Variants in NT5C3B observed in about 807,000 individuals in gnomAD.
NT5C3B encodes the protein 5'-nucleotidase, cytosolic IIIB.
In NT5C3B, 28 loss-of-function variants were observed where a neutral mutation model predicts 32.5. The observed-to-expected ratio is 0.86, with a 90% CI of 0.64 to 1.18. NT5C3B has a LOEUF of 1.18. Among genes scored for constraint, NT5C3B ranks in the 50% most tolerant of loss-of-function variants. The pLI, the probability that NT5C3B is intolerant of heterozygous loss-of-function variation, is 0.00. For missense variants in NT5C3B, 317 were observed against 322.0 expected, an observed-to-expected ratio of 0.98 and a Z score of 0.12; for synonymous variants, 138 against 118.0, an observed-to-expected ratio of 1.17 and a Z score of -1.10.
intron 7 of NT5C3B, 151 bp downstream of exon 7, chr17:41,828,639 A>G: frequency 1.4e-6 from 1 of 724,678 alleles, no homozygotes; most frequent in Non-Finnish European, 2.3e-6. Context: ...GCCTGGCCAA[A>G]AAGTAACCCA....
chr17:41,828,922 G>A lies in NT5C3B; in HGVS notation c.435C>T (p.Leu145=), dbSNP rs1396724412. 3 of 1,613,758 alleles carry A rather than the reference G, an allele frequency of 1.9e-6. No homozygotes were observed. The highest frequency in any genetic ancestry group is 2.7e-5 in the African/African-American group (2 of 74,930). Residue 145 remains leucine, a synonymous_variant, in exon 7 of 9, where the codon CTC becomes CTT. Coordinates refer to ENST00000435506, the MANE Select transcript of NT5C3B (RefSeq NM_052935.5). ...REGYKTFFNT[L]YHNNIPLFIF... ...TGAAAAGGGGAATGTTGTTATGGTA[G>A]AGTGTGTTGAAGAAGGTCTTATATC... is the stretch of plus-strand genomic sequence containing the variant.
chr17:41,835,995 C>A, intron 1 of NT5C3B, 38 bp from the exon 2 acceptor site: 1 of 1,517,570 alleles, frequency 6.6e-7, no homozygotes, highest in East Asian at 2.5e-5. Context: ...ACCCCTGCGC[C>A]ACGCTGGGCC....
rs908655551 is a variant in NT5C3B, at chr17:41,825,406, G to A, written c.*117C>T. ...CAGGGAAAGGAGGACGGAGGGGCGC[G>A]GAAGGACCCAGCCACTGCTGGCCAC... On this transcript the variant is annotated 3_prime_UTR_variant, in exon 9 of 9. Transcript: ENST00000435506. 2.0e-5 allele frequency: 14 copies of A among 694,340 alleles called. No individual in the cohort carries two copies. The highest frequency in any genetic ancestry group is 2.8e-5 in the Admixed American group (1 of 36,218). The allele number at this position is 694,340 out of a possible 1,614,324, so 43.0% of individuals were successfully genotyped here.
Position 41,835,891 on chromosome 17 carries a change from C to T in NT5C3B, c.79G>A (p.Ala27Thr). 1 of 1,608,896 alleles carries T rather than the reference C, an allele frequency of 6.2e-7. No homozygotes were observed. The highest frequency in any genetic ancestry group is 8.5e-7 in the Non-Finnish European group (1 of 1,178,534). The change falls in exon 2 of 9, where the codon GCC becomes ACC. Residue 27 changes from alanine (A) to threonine (T), a missense_variant. Physicochemically the swap from Ala to Thr is moderately conservative, Grantham distance 58 (BLOSUM62 0). Transcript: ENST00000435506. The stretch of plus-strand genomic sequence containing the variant: ...CGGTCTCCGCCGCCCTTGCGGAGGG[C>T]GCCCACGATCTCCTGCACCCGCCCA... Reference protein sequence around the residue: ...QPGRVQEIVGALRKGGGDRLQ... With the variant: ...QPGRVQEIVGTLRKGGGDRLQ...
rs782243169 is a variant in NT5C3B, at chr17:41,825,511, G to C, written c.*12C>G. 2.3e-6 allele frequency: 2 copies of C among 870,982 alleles called. No homozygotes were observed. The highest frequency in any genetic ancestry group is 2.0e-6 in the Non-Finnish European group (1 of 501,262). 54.0% of individuals were successfully genotyped at this position (870,982 alleles called of 1,614,324 possible). The stretch of plus-strand genomic sequence containing the variant: ...TCACCACGGCCTGCAGGCCGGGCTG[G>C]AGCCTGCGCCTTCAGGGGCCTTGCA... On this transcript the variant is annotated 3_prime_UTR_variant, in exon 9 of 9. Transcript: ENST00000435506.
At chr17:41,826,573 GA>G (rs1269009143) in intron 8 of NT5C3B, among the ~76,000 whole-genome samples, 2 of 152,000 alleles carry the variant, frequency 1.3e-5, no homozygotes, top group Admixed American at 1.3e-4. Flanking sequence ...ACCCAGACTG[GA>G]GTGCAGTGGC....
intron 5 of NT5C3B, among the ~76,000 whole-genome samples, chr17:41,831,544 G>A (rs1407115829): frequency 6.6e-6 from 1 of 152,120 alleles, no homozygotes; most frequent in Non-Finnish European, 1.5e-5. Context: ...CTAATGGGAG[G>A]TGTCATGGCG....
intron 4 of NT5C3B, among the ~76,000 whole-genome samples, chr17:41,834,537 A>G (rs1183899585): frequency 6.6e-6 from 1 of 152,138 alleles, no homozygotes; most frequent in African/African-American, 2.4e-5. Context: ...GCTTGAGCTC[A>G]GGAGTTCAAG....
intron 7 of NT5C3B, 58 bp downstream of exon 7, chr17:41,828,732 C>A (rs1555618576): frequency 1.3e-6 from 2 of 1,505,770 alleles, no homozygotes; most frequent in Non-Finnish European, 9.1e-7. Context: ...GAGTTAACTG[C>A]CCTGGCTGGT....
chr17:41,825,767 C>A (rs2047950755), intron 8 of NT5C3B, 110 bp from the exon 9 acceptor site: 2 of 806,398 alleles, frequency 2.5e-6, no homozygotes, highest in African/African-American at 1.7e-5. Flanking sequence ...CAGCAACTCC[C>A]AGCTCCCTTT....
In NT5C3B at chr17:41,835,975, A is replaced by C; in HGVS notation, c.13-18T>G. 6.4e-7 allele frequency: 1 copy of C among 1,563,344 alleles called. No individual in the cohort carries two copies. Among genetic ancestry groups the C allele is most frequent in the Non-Finnish European group, 8.7e-7 (1 of 1,153,976 alleles). ...GTGCTCACCTGTCCCGAGACCCGAG[A>C]GAACCACTGACCCCTGCGCCACGCT... is the stretch of plus-strand genomic sequence containing the variant. On this transcript the variant is annotated intron_variant, in intron 1 of 8. Coordinates refer to ENST00000435506, the MANE Select transcript of NT5C3B (RefSeq NM_052935.5).
chr17:41,832,591 G>T, intron 4 of NT5C3B, 114 bp from the exon 5 acceptor site: 1 of 749,416 alleles, frequency 1.3e-6, no homozygotes, highest in Non-Finnish European at 2.2e-6. Context: ...TTCATGGCCA[G>T]GGGCGGTGGC....
In NT5C3B at chr17:41,832,465, G is replaced by T; in HGVS notation, c.241C>A (p.Leu81Ile). 1 of 1,613,620 alleles carries T rather than the reference G, an allele frequency of 6.2e-7. No homozygotes were observed. The highest frequency in any genetic ancestry group is 8.5e-7 in the Non-Finnish European group (1 of 1,179,672). Reference sequence around the variant, plus strand: ...ATCTCAATTGGGTAATAGTGGTGAAGGAGCGCTGTGAGCTGGGATATCCAA... The same window carrying T: ...ATCTCAATTGGGTAATAGTGGTGAATGAGCGCTGTGAGCTGGGATATCCAA... Reference protein sequence around the residue: ...EECRKELTALLHHYYPIEIDP... With the variant: ...EECRKELTALIHHYYPIEIDP... The change falls in exon 5 of 9, where the codon CTT becomes ATT. Residue 81 changes from leucine to isoleucine, a missense_variant. Physicochemically the swap from Leu to Ile is conservative, Grantham distance 5. Coordinates refer to ENST00000435506, the MANE Select transcript of NT5C3B (RefSeq NM_052935.5).
rs782537482 is a variant in NT5C3B, at chr17:41,828,697, TC to T, written c.567+92del. 41 of 1,216,856 alleles carry T rather than the reference TC, an allele frequency of 3.4e-5. No homozygotes were observed. In the Middle Eastern group the frequency reaches 7.9e-4, roughly 23 times the overall value. 75.4% of individuals were successfully genotyped at this position (1,216,856 alleles called of 1,614,324 possible). A position where few individuals can be genotyped will look rare whatever the true frequency, so the allele number is the denominator to read the frequency against. On this transcript the variant is annotated intron_variant, in intron 7 of 8. Coordinates refer to ENST00000435506, the MANE Select transcript of NT5C3B (RefSeq NM_052935.5). Reference sequence around the variant, plus strand: ...GAAGCTAGAGTGGCTTCCCTCCCCTTCTTCCCCAGGTTAGGGTTCATGCAGA... The same window carrying T: ...GAAGCTAGAGTGGCTTCCCTCCCCTTTTCCCCAGGTTAGGGTTCATGCAGA...
Position 41,833,742 on chromosome 17 carries a change from C to T in NT5C3B, c.229-1265G>A, listed in dbSNP as rs140856326. Among the ~76,000 whole-genome samples the T allele has an allele frequency of 1.5e-4, 23 of 152,298 alleles. 1 individual carries two copies. Among genetic ancestry groups the T allele is most frequent in the African/African-American group, 5.5e-4 (23 of 41,558 alleles). ...AACTAGAAGACTGTACTTTGGGACA[C>T]AGCATGTTGGTGGACAATTCCGTCA... On this transcript the variant is annotated intron_variant, in intron 4 of 8. Coordinates refer to ENST00000435506, the MANE Select transcript of NT5C3B (RefSeq NM_052935.5).
At chr17:41,833,721 A>G (rs1350290058) in intron 4 of NT5C3B, among the ~76,000 whole-genome samples, 2 of 152,226 alleles carry the variant, frequency 1.3e-5, no homozygotes, top group Non-Finnish European at 2.9e-5. Flanking sequence ...AAATATAACT[A>G]GAAGACTGTA....
chr17:41,835,592 G>C, intron 2 of NT5C3B: 1 of 653,246 alleles, frequency 1.5e-6, no homozygotes, highest in Non-Finnish European at 2.8e-6. Context: ...ACTTACTGGG[G>C]AGCCGCTGGC....
intron 7 of NT5C3B, 39 bp downstream of exon 7, chr17:41,828,751 C>T: frequency 1.3e-6 from 2 of 1,588,362 alleles, no homozygotes. Context: ...GTGGTCCCCA[C>T]CCCTCGTCCT....
In NT5C3B at chr17:41,832,412, C is replaced by T; in HGVS notation, c.294G>A (p.Lys98=). 2 of 1,613,724 alleles carry T rather than the reference C, an allele frequency of 1.2e-6. No individual in the cohort carries two copies. The highest frequency in any genetic ancestry group is 2.2e-5 in the East Asian group (1 of 44,868). Residue 98 remains lysine (K), a synonymous_variant, in exon 5 of 9, where the codon AAG becomes AAA. Transcript: ENST00000435506. ...EIDPHRTVKE[K]LPHMVEWWTK... ...CTCACCATTCCACCATATGAGGTAG[C>T]TTCTCCTTGACGGTCCGGTGTGGGT...
Sources: gnomAD v4.1 joint callset for allele counts (sites outside exome capture counted in the v4.1 genomes callset) on GRCh38, gnomAD v4.1.1 for gene constraint, MANE v1.5 for transcripts, NCBI Gene and HGNC (gene_info 2026-07-23, HGNC 2026-07-21) for gene names.